The following CTIF variants were observed in gnomAD, a reference collection of about 807,000 sequenced individuals.
CTIF encodes CBP80/20-dependent translation initiation factor.
Under a neutral mutation model 66.0 loss-of-function variants are expected in CTIF, and 21 were observed. The ratio of observed to expected loss-of-function variants is 0.32; its 90% CI spans 0.23 to 0.46. The LOEUF is 0.46. Ranked by LOEUF, CTIF falls within the 20% of genes least tolerant of loss-of-function variation. CTIF has a pLI of 1.00. For missense variants in CTIF, 739 were observed against 812.7 expected (o/e 0.91, Z 1.10); for synonymous variants, 345 against 326.4 (o/e 1.06, Z -0.62).
chr18:48,716,975 T>C (rs999634262), intron 7 of CTIF, among the ~76,000 whole-genome samples: 19 of 152,310 alleles, frequency 1.2e-4, no homozygotes, highest in African/African-American at 4.6e-4. Flanking sequence ...GAGCGAGCCA[T>C]CCACCTGGCG....
At chr18:48,661,352 G>T (rs2091342321) in intron 3 of CTIF, among the ~76,000 whole-genome samples, 1 of 152,152 alleles carries the variant, frequency 6.6e-6, no homozygotes, top group Non-Finnish European at 1.5e-5. Flanking sequence ...AGTGAGGTCT[G>T]CAATAGATGC....
intron 5 of CTIF, 68 bp downstream of exon 5, chr18:48,664,619 C>A: frequency 2.0e-5 from 26 of 1,331,146 alleles, no homozygotes; most frequent in Non-Finnish European, 2.5e-5. Flanking sequence ...TTTGCCTCCA[C>A]AGGGAGGCTG....
intron 7 of CTIF, among the ~76,000 whole-genome samples, chr18:48,730,583 C>T (rs191051007): frequency 2.0e-4 from 4 of 19,582 alleles, no homozygotes; most frequent in Admixed American, 4.2e-4. Context: ...TGTGAGGGGC[C>T]CCTGTGGTGT....
intron 3 of CTIF, among the ~76,000 whole-genome samples, chr18:48,655,288 G>C (rs1228187332): frequency 2.6e-5 from 3 of 116,318 alleles, no homozygotes; most frequent in East Asian, 4.8e-4. Flanking sequence ...CTGGGCCATA[G>C]AGCAAGACTA....
chr18:48,756,526 A>G (rs142200470), intron 7 of CTIF, among the ~76,000 whole-genome samples: 18 of 152,386 alleles, frequency 1.2e-4, no homozygotes, highest in Non-Finnish European at 2.1e-4. Context: ...TACCCAAGAT[A>G]GGTCACGGAG....
At chr18:48,798,336 G>C (rs2067974938) in intron 9 of CTIF, among the ~76,000 whole-genome samples, 1 of 152,214 alleles carries the variant, frequency 6.6e-6, no homozygotes, top group Non-Finnish European at 1.5e-5. Flanking sequence ...CTGAAGCCCA[G>C]AGCTGTCAGT....
chr18:48,749,426 G>A (rs561268134), intron 7 of CTIF, among the ~76,000 whole-genome samples: 1 of 152,290 alleles, frequency 6.6e-6, no homozygotes. Context: ...CCAAAGCTCA[G>A]CCCTTAGAGC....
At chr18:48,637,994 G>C (rs2090855183) in intron 3 of CTIF, among the ~76,000 whole-genome samples, 1 of 152,110 alleles carries the variant, frequency 6.6e-6, no homozygotes, top group African/African-American at 2.4e-5. Flanking sequence ...GGTGCCACTT[G>C]TCTGCCCTCC....
intron 6 of CTIF, among the ~76,000 whole-genome samples, chr18:48,700,138 C>T (rs2092062838): frequency 6.6e-6 from 1 of 152,210 alleles, no homozygotes; most frequent in South Asian, 2.1e-4. Context: ...GAGATGGTTT[C>T]CTCCATGCTG....
chr18:48,724,347 C>T (rs2092367077), intron 7 of CTIF, among the ~76,000 whole-genome samples: 1 of 152,136 alleles, frequency 6.6e-6, no homozygotes, highest in Admixed American at 6.5e-5. Context: ...TGGCCTGCTC[C>T]ACCTGCCCTC....
rs1438119584 is a variant in CTIF, at chr18:48,862,363, C to T, written c.*2804C>T. 1 of 152,494 alleles carries T rather than the reference C, an allele frequency of 6.6e-6. No individual in the cohort carries two copies. Among genetic ancestry groups the T allele is most frequent in the African/African-American group, 2.4e-5 (1 of 41,480 alleles). 9.4% of individuals were successfully genotyped at this position (152,494 alleles called of 1,614,324 possible). On this transcript the variant is annotated 3_prime_UTR_variant, in exon 12 of 12. Transcript: ENST00000256413. The stretch of plus-strand genomic sequence containing the variant: ...GATGTTGATCCTGTCTCAGTCTCCC[C>T]ACTGCCTGTCAGGATGAGTTAGTCA...
At position 48,622,134 on chromosome 18, in the gene CTIF, G is replaced by A. The variant is rs191998510; in HGVS notation, c.180+2389G>A. ...TGAGGGAGGCACAGGAGTGATGATG[G>A]TGAGTCACCTGGATGCTGAGCCAGG... On this transcript the variant is annotated intron_variant, in intron 2 of 11. Coordinates refer to ENST00000256413, the MANE Select transcript of CTIF (RefSeq NM_014772.3). Among the ~76,000 whole-genome samples the A allele has an allele frequency of 2.2e-3, 331 of 152,278 alleles. 3 individuals are homozygous for A. The South Asian group carries it at 0.022, about 10-fold the overall frequency.
At chr18:48,562,484 T>C (rs1173850772) in intron 1 of CTIF, among the ~76,000 whole-genome samples, 4 of 152,224 alleles carry the variant, frequency 2.6e-5, no homozygotes, top group Non-Finnish European at 5.9e-5. Flanking sequence ...TGATGTGGCA[T>C]GGTCAGCATC....
intron 7 of CTIF, among the ~76,000 whole-genome samples, chr18:48,731,727 A>G (rs1181487410): frequency 6.6e-6 from 1 of 152,234 alleles, no homozygotes; most frequent in Non-Finnish European, 1.5e-5. Context: ...TTACCACTGC[A>G]GTGACTTCAT....
chr18:48,570,642 A>G (rs1276536592), intron 1 of CTIF, among the ~76,000 whole-genome samples: 1 of 152,188 alleles, frequency 6.6e-6, no homozygotes, highest in Non-Finnish European at 1.5e-5. Flanking sequence ...GGAAGTGATG[A>G]TTGAGTAAGT....
In CTIF at chr18:48,785,029, G is replaced by T. The variant is rs184883714; in HGVS notation, c.1371+23340G>T. Among the ~76,000 whole-genome samples the T allele has an allele frequency of 3.4e-3, 515 of 152,338 alleles. 1 individual carries two copies. Among genetic ancestry groups the T allele is most frequent in the Non-Finnish European group, 6.0e-3 (411 of 68,042 alleles). On this transcript the variant is annotated intron_variant, in intron 9 of 11. Coordinates refer to ENST00000256413, the MANE Select transcript of CTIF (RefSeq NM_014772.3). ...CGTGAGCATGGAGTTTTGCACTCTGGCCAGTTTTGCCTCTAGTTCTTTGTT... is the reference window on the plus strand; with the variant it reads ...CGTGAGCATGGAGTTTTGCACTCTGTCCAGTTTTGCCTCTAGTTCTTTGTT...
intron 5 of CTIF, among the ~76,000 whole-genome samples, chr18:48,665,371 G>A (rs1337881292): frequency 6.6e-6 from 1 of 152,194 alleles, no homozygotes; most frequent in Admixed American, 6.5e-5. Flanking sequence ...CAAAAGTGGT[G>A]TCACAGCCTG....
chr18:48,784,181 A>G (rs1329434171), intron 9 of CTIF, among the ~76,000 whole-genome samples: 1 of 152,250 alleles, frequency 6.6e-6, no homozygotes, highest in Non-Finnish European at 1.5e-5. Flanking sequence ...AGGTGCTGTC[A>G]TCGCGGCACA....
intron 7 of CTIF, among the ~76,000 whole-genome samples, chr18:48,749,421 G>A (rs1462029963): frequency 6.6e-6 from 1 of 152,180 alleles, no homozygotes; most frequent in East Asian, 1.9e-4. Context: ...TATGCCCAAA[G>A]CTCAGCCCTT....
Sources: allele counts gnomAD v4.1 joint callset (sites outside exome capture counted in the v4.1 genomes callset), GRCh38; gene constraint gnomAD v4.1.1; transcripts MANE v1.5; gene names NCBI Gene and HGNC (gene_info 2026-07-23, HGNC 2026-07-21).